The following RBM20 variants were observed in gnomAD, a reference collection of about 807,000 sequenced individuals.
The protein encoded by RBM20 is RNA binding motif protein 20, also known as RNA-binding protein 20.
Under a neutral mutation model 110.1 loss-of-function variants are expected in RBM20, and 51 were observed. That is an observed-to-expected ratio of 0.46 (90% CI 0.37 to 0.59). The LOEUF (loss-of-function observed/expected upper bound fraction) is 0.59. RBM20 is among the 20% of genes least tolerant of loss of function. The pLI is 0.00. For missense variants in RBM20, 1,512 were observed against 1,574.9 expected, an observed-to-expected ratio of 0.96 and a Z score of 0.68; for synonymous variants, 589 against 618.2, an observed-to-expected ratio of 0.95 and a Z score of 0.70.
At position 110,644,793 on chromosome 10, in the gene RBM20, G is replaced by A; in HGVS notation, c.191+148G>A. On this transcript the variant is annotated intron_variant, in intron 1 of 13. Coordinates refer to ENST00000369519, the MANE Select transcript of RBM20 (RefSeq NM_001134363.3). The surrounding 1 kb of genome is among the most constrained non-coding windows in gnomAD (Gnocchi z 4.3). Reference sequence around the variant, plus strand: ...TCTCGTACCCCCTCTGGGCAGAGTCGGTGTCCTTCTGGCTGTTTGTTAGGC... The same window carrying A: ...TCTCGTACCCCCTCTGGGCAGAGTCAGTGTCCTTCTGGCTGTTTGTTAGGC... The A allele has an allele frequency of 1.7e-6, 1 of 592,242 alleles. No individual in the cohort carries two copies. The highest frequency in any genetic ancestry group is 2.8e-6 in the Non-Finnish European group (1 of 359,410). The allele number at this position is 592,242 out of a possible 1,614,324, so 36.7% of individuals were successfully genotyped here. A position where few individuals can be genotyped will look rare whatever the true frequency, so the allele number is the denominator to read the frequency against.
intron 1 of RBM20, among the ~76,000 whole-genome samples, chr10:110,735,070 C>T (rs761089018): frequency 4.6e-5 from 7 of 152,118 alleles, no homozygotes; most frequent in Non-Finnish European, 8.8e-5. Flanking sequence ...GTCGAGGTAT[C>T]GCAGGGCTTG....
intron 10 of RBM20, among the ~76,000 whole-genome samples, 152 bp from the exon 11 acceptor site, chr10:110,821,123 G>A (rs768446148): frequency 3.3e-5 from 5 of 152,204 alleles, no homozygotes; most frequent in African/African-American, 1.2e-4. Flanking sequence ...AGTTGGTGCC[G>A]TGGGACTTGA....
intron 1 of RBM20, among the ~76,000 whole-genome samples, chr10:110,691,811 C>G (rs1387956327): frequency 6.6e-6 from 1 of 151,908 alleles, no homozygotes; most frequent in Non-Finnish European, 1.5e-5. Context: ...TCTTTTATTG[C>G]CTGCGCCTTT....
rs572399914 is a variant in RBM20 at position 110,779,692 on chromosome 10, A to G, written c.192-1109A>G. Among the ~76,000 whole-genome samples, 3 of 152,292 alleles carry G rather than the reference A, an allele frequency of 2.0e-5. No individual in the cohort carries two copies. In the East Asian group the frequency reaches 5.8e-4, roughly 29 times the overall value. On this transcript the variant is annotated intron_variant, in intron 1 of 13. Coordinates refer to ENST00000369519, the MANE Select transcript of RBM20 (RefSeq NM_001134363.3). ...GGTAGTGTCAGAACTGAATTGGCAG[A>G]CACCCAGCTGGTGTCCACTGCAGAA...
intron 5 of RBM20, among the ~76,000 whole-genome samples, chr10:110,788,316 G>C (rs1259145769): frequency 6.6e-6 from 1 of 152,224 alleles, no homozygotes; most frequent in African/African-American, 2.4e-5. Context: ...AAGATGAAGA[G>C]GCCAGCCACA....
chr10:110,664,145 C>G (rs12251981), intron 1 of RBM20, among the ~76,000 whole-genome samples: 6,097 of 152,228 alleles, frequency 0.04, 378 homozygotes, highest in African/African-American at 0.14. Context: ...TAGCAGTAAG[C>G]ACCTGTAACA....
chr10:110,803,831 AAAAAAAAAG>A, intron 7 of RBM20, among the ~76,000 whole-genome samples: 1 of 151,494 alleles, frequency 6.6e-6, no homozygotes, highest in Admixed American at 6.6e-5. Context: ...AAAAAAAAAA[AAAAAAAAAG>A]AATTTATGGA....
chr10:110,829,750 C>T (rs1040208694), intron 12 of RBM20, among the ~76,000 whole-genome samples: 1 of 152,222 alleles, frequency 6.6e-6, no homozygotes, highest in Non-Finnish European at 1.5e-5. Context: ...GTCGGTCACG[C>T]TGTGCCTTGG....
At chr10:110,826,396 C>T (rs930362927) in intron 12 of RBM20, among the ~76,000 whole-genome samples, 2 of 152,026 alleles carry the variant, frequency 1.3e-5, no homozygotes, top group Non-Finnish European at 2.9e-5. Flanking sequence ...CCTATGTAAC[C>T]CCTCCCTCCC....
chr10:110,787,915 A>G (rs1844440086), intron 5 of RBM20, among the ~76,000 whole-genome samples: 1 of 152,160 alleles, frequency 6.6e-6, no homozygotes, highest in African/African-American at 2.4e-5. Flanking sequence ...CAACATTTAT[A>G]TAGTACTCAA....
intron 1 of RBM20, among the ~76,000 whole-genome samples, chr10:110,683,956 A>G (rs1050673733): frequency 1.3e-5 from 2 of 152,246 alleles, no homozygotes; most frequent in Admixed American, 1.3e-4. Flanking sequence ...TCCTGTGACT[A>G]AGAACAGAGT....
intron 1 of RBM20, among the ~76,000 whole-genome samples, chr10:110,751,859 CA>C (rs1457205005): frequency 6.6e-6 from 1 of 152,084 alleles, no homozygotes; most frequent in Non-Finnish European, 1.5e-5. Flanking sequence ...ATCCTCTGCT[CA>C]GGCACACTTT....
intron 1 of RBM20, among the ~76,000 whole-genome samples, chr10:110,757,840 G>A (rs957821634): frequency 6.6e-6 from 1 of 152,016 alleles, no homozygotes; most frequent in African/African-American, 2.4e-5. Context: ...CATTATGGTG[G>A]CCCATGGGAA....
chr10:110,681,926 G>C (rs187887210), intron 1 of RBM20, among the ~76,000 whole-genome samples: 1 of 150,138 alleles, frequency 6.7e-6, no homozygotes, highest in African/African-American at 2.5e-5. Flanking sequence ...TTTCGCTCTT[G>C]TTGCTCAGGT....
Position 110,836,246 on chromosome 10 carries a change from T to G in RBM20, c.*268T>G, listed in dbSNP as rs936894231. The G allele has an allele frequency of 2.2e-5, 6 of 266,898 alleles. No homozygotes were observed. Among genetic ancestry groups the G allele is most frequent in the Non-Finnish European group, 4.2e-5 (6 of 142,194 alleles). The allele number at this position is 266,898 out of a possible 1,614,324, so 16.5% of individuals were successfully genotyped here. A position where few individuals can be genotyped will look rare whatever the true frequency, so the allele number is the denominator to read the frequency against. Reference sequence around the variant, plus strand: ...TTTCTCTCAATCTTTCAATTCGTTTTTCTCTCTTTTCCTCTTGTTCTTTCT... The same window carrying G: ...TTTCTCTCAATCTTTCAATTCGTTTGTCTCTCTTTTCCTCTTGTTCTTTCT... On this transcript the variant is annotated 3_prime_UTR_variant, in exon 14 of 14. Transcript: ENST00000369519.
At chr10:110,649,832 GT>G (rs1861921342) in intron 1 of RBM20, among the ~76,000 whole-genome samples, 1 of 152,168 alleles carries the variant, frequency 6.6e-6, no homozygotes, top group Non-Finnish European at 1.5e-5. Context: ...TTCCCTTTCT[GT>G]TTAAAGAACC....
At chr10:110,722,973 G>A (rs770637667) in intron 1 of RBM20, among the ~76,000 whole-genome samples, 64 of 152,164 alleles carry the variant, frequency 4.2e-4, no homozygotes, top group Non-Finnish European at 7.4e-4. Context: ...TTAGCCGGGC[G>A]TTGTGGCATG....
At chr10:110,714,310 G>A (rs906420122) in intron 1 of RBM20, among the ~76,000 whole-genome samples, 1 of 152,232 alleles carries the variant, frequency 6.6e-6, no homozygotes, top group Non-Finnish European at 1.5e-5. Flanking sequence ...AAAAGGTTGT[G>A]TAAAGGAGTA....
intron 6 of RBM20, among the ~76,000 whole-genome samples, chr10:110,799,415 A>G (rs1295998302): frequency 6.6e-6 from 1 of 152,180 alleles, no homozygotes; most frequent in African/African-American, 2.4e-5. Context: ...CTTTGAACAG[A>G]TGGGATCAAA....
Sources: allele counts gnomAD v4.1 joint callset (sites outside exome capture counted in the v4.1 genomes callset), GRCh38; gene constraint gnomAD v4.1.1; non-coding constraint Gnocchi (gnomAD v3.1); transcripts MANE v1.5; gene names NCBI Gene and HGNC (gene_info 2026-07-23, HGNC 2026-07-21).